Variants in RPTOR observed in about 807,000 individuals in gnomAD.
RPTOR encodes regulatory-associated protein of mTOR.
In RPTOR, 21 loss-of-function variants were observed where a neutral mutation model predicts 169.9. The ratio of observed to expected loss-of-function variants is 0.12; its 90% CI spans 0.09 to 0.18. The LOEUF is 0.18. RPTOR is among the 10% of genes least tolerant of loss of function. RPTOR has a pLI of 1.00. For synonymous variants in RPTOR, 732 were observed against 753.2 expected (o/e 0.97, Z 0.46); for missense variants, 1,133 against 1,855.9 (o/e 0.61, Z 7.16).
chr17:80,846,632 C>A, intron 11 of RPTOR, 58 bp downstream of exon 11: 2 of 1,424,944 alleles, frequency 1.4e-6, no homozygotes, highest in Non-Finnish European at 2.0e-6. Flanking sequence ...AAGCCAGATG[C>A]CTGTACAGCC....
intron 7 of RPTOR, among the ~76,000 whole-genome samples, chr17:80,813,664 C>T (rs527432648): frequency 6.6e-6 from 1 of 152,300 alleles, no homozygotes; most frequent in South Asian, 2.1e-4. Flanking sequence ...AAAGAAATTG[C>T]TCAGTTCACC....
intron 5 of RPTOR, among the ~76,000 whole-genome samples, chr17:80,752,775 G>A (rs3898096): frequency 0.019 from 2,925 of 152,262 alleles, 98 homozygotes; most frequent in African/African-American, 0.065. Flanking sequence ...TAGCAAACTC[G>A]TGTATCAGAC....
At chr17:80,839,289 ATCT>A (rs1244313157) in intron 10 of RPTOR, among the ~76,000 whole-genome samples, 2 of 152,090 alleles carry the variant, frequency 1.3e-5, no homozygotes, top group African/African-American at 2.4e-5. Context: ...CTTTTTTATA[ATCT>A]TCTGTTACCC....
rs1414586465 is a variant in RPTOR, at chr17:80,947,112, C to G, written c.3141-115C>G. 1 of 1,069,938 alleles carries G rather than the reference C, an allele frequency of 9.3e-7. No individual in the cohort carries two copies. Among genetic ancestry groups the G allele is most frequent in the Non-Finnish European group, 1.3e-6 (1 of 776,458 alleles). The allele number at this position is 1,069,938 out of a possible 1,614,324, so 66.3% of individuals were successfully genotyped here. On this transcript the variant is annotated intron_variant, in intron 26 of 33. Transcript: ENST00000306801. The surrounding 1 kb of genome is among the most constrained non-coding windows in gnomAD (Gnocchi z 4.4). Reference sequence around the variant, plus strand: ...GATGACAGGTGTGAGCCGCCGTGCCCGGCTGTGGTGTGTGGTTTTTTGATA... The same window carrying G: ...GATGACAGGTGTGAGCCGCCGTGCCGGGCTGTGGTGTGTGGTTTTTTGATA...
At chr17:80,705,725 G>T (rs2143084362) in intron 3 of RPTOR, among the ~76,000 whole-genome samples, 1 of 152,246 alleles carries the variant, frequency 6.6e-6, no homozygotes, top group Admixed American at 6.5e-5. Context: ...GTAGAGACGA[G>T]GGATCTGACT....
Position 80,743,916 on chromosome 17 carries a change from GTTA to G in RPTOR, c.655-10093_655-10091del, listed in dbSNP as rs2066523493. On this transcript the variant is annotated intron_variant, in intron 5 of 33. Transcript: ENST00000306801. ...TGTCCTGGTTACGAGCACAGCCCTG[GTTA>G]CTAGCAGAGCCCTGGTTACTAGCAC... Among the ~76,000 whole-genome samples the G allele has an allele frequency of 2.5e-5, 2 of 80,412 alleles. 1 individual carries two copies. Among genetic ancestry groups the G allele is most frequent in the Non-Finnish European group, 5.2e-5 (2 of 38,212 alleles). 52.8% of individuals were successfully genotyped at this position (80,412 alleles called of 152,430 possible).
In RPTOR at chr17:80,837,996, G is replaced by T. The variant is rs768865288; in HGVS notation, c.1211G>T (p.Arg404Leu). Reference sequence around the variant, plus strand: ...ATCATCGAGGAAGGCACTGCGTTTCGGGTGAGTCCCTCCAAGGGCACCCTG... The same window carrying T: ...ATCATCGAGGAAGGCACTGCGTTTCTGGTGAGTCCCTCCAAGGGCACCCTG... Reference protein sequence around the residue: ...PTIIEEGTAFRHSPFFAEQLT... With the variant: ...PTIIEEGTAFLHSPFFAEQLT... Residue 404 changes from arginine (R) to leucine (L), a missense_variant and splice_region_variant, in exon 10 of 34, where the codon CGG becomes CTG. Around this residue, in one of 9 missense-constraint regions of RPTOR, gnomAD observed 289 missense variants for 585.8 expected, o/e 0.49. Transcript: ENST00000306801. 6.2e-7 allele frequency: 1 copy of T among 1,607,650 alleles called. No homozygotes were observed. Among genetic ancestry groups the T allele is most frequent in the Non-Finnish European group, 8.5e-7 (1 of 1,176,866 alleles).
intron 7 of RPTOR, among the ~76,000 whole-genome samples, chr17:80,795,173 G>A (rs1360449448): frequency 1.3e-5 from 2 of 152,238 alleles, no homozygotes; most frequent in Admixed American, 1.3e-4. Flanking sequence ...CCTGGGGAGC[G>A]AGGGGTGCAG....
chr17:80,800,865 C>G (rs758798687), intron 7 of RPTOR, among the ~76,000 whole-genome samples: 15 of 152,218 alleles, frequency 9.9e-5, no homozygotes, highest in Non-Finnish European at 1.6e-4. Flanking sequence ...CCAGAACTTA[C>G]TCGTGATTAA....
chr17:80,788,082 T>C (rs1443302761), intron 6 of RPTOR, among the ~76,000 whole-genome samples: 1 of 152,214 alleles, frequency 6.6e-6, no homozygotes, highest in Non-Finnish European at 1.5e-5. Flanking sequence ...TCTGAGGCCA[T>C]ATGTGCCTCT....
At chr17:80,765,791 C>G (rs67271326) in intron 6 of RPTOR, among the ~76,000 whole-genome samples, 41,140 of 152,036 alleles carry the variant, frequency 0.27, 6,882 homozygotes, top group East Asian at 0.52. Flanking sequence ...TATAGTCTGT[C>G]ACGTCTAAAT....
At chr17:80,674,939 C>T (rs1399467847) in intron 3 of RPTOR, among the ~76,000 whole-genome samples, 2 of 151,910 alleles carry the variant, frequency 1.3e-5, no homozygotes, top group Non-Finnish European at 2.9e-5. Flanking sequence ...ATCGTCCTGA[C>T]GTGGAGGTAG....
Position 80,634,646 on chromosome 17 carries a change from C to CTG in RPTOR, c.265+8855_265+8856dup, listed in dbSNP as rs2065485140. ...CGTGTGCGTACTGTGTGTGTGCATACTGTATGTGCGTACTGTGTGTGTGCG... is the reference window on the plus strand; with the variant it reads ...CGTGTGCGTACTGTGTGTGTGCATACTGTGTATGTGCGTACTGTGTGTGTGCG... On this transcript the variant is annotated intron_variant, in intron 2 of 33. Transcript: ENST00000306801. 2.8e-4 allele frequency among the ~76,000 whole-genome samples: 12 copies of CTG among 42,312 alleles called. 2 individuals are homozygous for CTG. Among genetic ancestry groups the CTG allele is most frequent in the Non-Finnish European group, 4.8e-4 (10 of 21,012 alleles). 27.8% of individuals were successfully genotyped at this position (42,312 alleles called of 152,430 possible).
chr17:80,626,294 G>A (rs902749734), intron 2 of RPTOR, among the ~76,000 whole-genome samples: 1 of 150,930 alleles, frequency 6.6e-6, no homozygotes, highest in Admixed American at 6.6e-5. Context: ...CTCGTGATCC[G>A]CCCACCTCAG....
chr17:80,938,690 T>C (rs1237303142), intron 24 of RPTOR, among the ~76,000 whole-genome samples: 1 of 152,176 alleles, frequency 6.6e-6, no homozygotes, highest in Non-Finnish European at 1.5e-5. Flanking sequence ...GCTGTGTTGT[T>C]GCTGTTTTAT....
chr17:80,660,363 G>C (rs951397100), intron 3 of RPTOR, among the ~76,000 whole-genome samples: 14 of 152,078 alleles, frequency 9.2e-5, no homozygotes, highest in African/African-American at 3.1e-4. Flanking sequence ...AAATTCCAAA[G>C]AGAAAGTGTT....
intron 9 of RPTOR, among the ~76,000 whole-genome samples, chr17:80,829,421 A>G (rs2067479200): frequency 2.6e-5 from 4 of 152,232 alleles, no homozygotes; most frequent in African/African-American, 7.2e-5. Flanking sequence ...AGAGTAGCCA[A>G]AAGTTCATAT....
intron 3 of RPTOR, among the ~76,000 whole-genome samples, chr17:80,652,966 G>A (rs1379170263): frequency 3.3e-5 from 5 of 152,148 alleles, no homozygotes; most frequent in South Asian, 2.1e-4. Flanking sequence ...GAATCTCATC[G>A]TGGTTTTGGT....
chr17:80,685,416 C>T (rs922229815), intron 3 of RPTOR, among the ~76,000 whole-genome samples: 5 of 151,166 alleles, frequency 3.3e-5, no homozygotes, highest in African/African-American at 4.9e-5. Context: ...GCTGGGACTA[C>T]GGCCGTGTAC....
Sources: allele counts gnomAD v4.1 joint callset (sites outside exome capture counted in the v4.1 genomes callset), GRCh38; gene constraint gnomAD v4.1.1; regional missense constraint gnomAD v4.1.1; non-coding constraint Gnocchi (gnomAD v3.1); transcripts MANE v1.5; gene names NCBI Gene and HGNC (gene_info 2026-07-23, HGNC 2026-07-21).